WDR38: variants seen among roughly 807,000 people sequenced by gnomAD.
The protein encoded by WDR38 is WD repeat-containing protein 38.
In WDR38, 37 loss-of-function variants were observed where a neutral mutation model predicts 36.6. That is an observed-to-expected ratio of 1.01 (90% CI 0.78 to 1.33). WDR38 has a LOEUF of 1.33. Ranked by LOEUF, WDR38 falls within the 40% of genes most tolerant of loss-of-function variation. The probability of loss-of-function intolerance (pLI) is 0.00; values close to 1 mark genes in which losing one functional copy is unlikely to be tolerated. For missense variants in WDR38, 411 were observed against 414.6 expected, an observed-to-expected ratio of 0.99 and a Z score of 0.07; for synonymous variants, 164 against 168.1, an observed-to-expected ratio of 0.98 and a Z score of 0.19.
At chr9:124,854,127 G>A in intron 1 of WDR38, 78 bp from the exon 2 acceptor site, 2 of 1,590,784 alleles carry the variant, frequency 1.3e-6, no homozygotes, top group Non-Finnish European at 1.7e-6. Context: ...AGGCTCTTGG[G>A]GGGCAGTGTT....
chr9:124,854,475 C>T (rs1828994573), intron 2 of WDR38, 150 bp downstream of exon 2: 4 of 1,218,876 alleles, frequency 3.3e-6, no homozygotes, highest in Non-Finnish European at 4.6e-6. Context: ...GGTGCTGGGG[C>T]TTAGACTCTA....
At chr9:124,854,389 C>CT in intron 2 of WDR38, 64 bp downstream of exon 2, 1 of 1,601,502 alleles carries the variant, frequency 6.2e-7, no homozygotes, top group African/African-American at 1.3e-5. Flanking sequence ...GCAGAGCTGA[C>CT]TGCAGTGACC....
chr9:124,854,394 G>A (rs1828992495), intron 2 of WDR38, 69 bp downstream of exon 2: 1 of 1,600,220 alleles, frequency 6.2e-7, no homozygotes. Flanking sequence ...GCTGACTGCA[G>A]TGACCTCCGA....
At chr9:124,854,156 G>A (rs770259952) in intron 1 of WDR38, 49 bp from the exon 2 acceptor site, 40 of 1,610,866 alleles carry the variant, frequency 2.5e-5, no homozygotes, top group Admixed American at 6.7e-5. Context: ...AGAGATGAGC[G>A]GACAGGGGTT....
chr9:124,855,152 C>G (rs1008926066), intron 2 of WDR38, among the ~76,000 whole-genome samples: 3 of 152,324 alleles, frequency 2.0e-5, no homozygotes, highest in African/African-American at 7.2e-5. Flanking sequence ...GTGCTTACCA[C>G]TGTTTTGACT....
chr9:124,855,402 G>C (rs1829021059), intron 2 of WDR38, among the ~76,000 whole-genome samples: 1 of 152,196 alleles, frequency 6.6e-6, no homozygotes, highest in Non-Finnish European at 1.5e-5. Context: ...CAAGTTTCTG[G>C]GAGGTCCCTA....
chr9:124,856,161 A>G, intron 4 of WDR38, 79 bp from the exon 5 acceptor site: 2 of 1,595,026 alleles, frequency 1.3e-6, no homozygotes, highest in Non-Finnish European at 1.7e-6. Flanking sequence ...TTTTTGCACG[A>G]GGTCCCCCTT....
chr9:124,856,141 G>A, intron 4 of WDR38, 99 bp from the exon 5 acceptor site: 1 of 1,570,716 alleles, frequency 6.4e-7, no homozygotes. Context: ...GCACACAGCA[G>A]CCCTCAGGCT....
At chr9:124,856,409 C>T (rs978162502) in intron 5 of WDR38, 60 bp from the exon 6 acceptor site, 8 of 1,612,042 alleles carry the variant, frequency 5.0e-6, no homozygotes, top group South Asian at 3.3e-5. Flanking sequence ...CTCTGGGTCC[C>T]GCCTAGATGC....
intron 2 of WDR38, among the ~76,000 whole-genome samples, chr9:124,855,407 T>A (rs767540051): frequency 6.6e-6 from 1 of 151,686 alleles, no homozygotes; most frequent in Admixed American, 6.6e-5. Flanking sequence ...TTCTGGGAGG[T>A]CCCTACTTTG....
intron 7 of WDR38, among the ~76,000 whole-genome samples, 182 bp downstream of exon 7, chr9:124,857,063 TA>T (rs769201101): frequency 3.5e-4 from 53 of 152,214 alleles, no homozygotes; most frequent in Admixed American, 7.2e-4. Flanking sequence ...GGCCCATTGG[TA>T]GTTGCATTGA....
At chr9:124,857,008 G>C in intron 7 of WDR38, 127 bp downstream of exon 7, 1 of 1,383,456 alleles carries the variant, frequency 7.2e-7, no homozygotes, top group Admixed American at 1.9e-5. Flanking sequence ...GGCAGGACCT[G>C]GGTGCCAGCC....
chr9:124,857,759 G>T lies in WDR38; in HGVS notation c.*129G>T. ...AGATCCCCATGGCCAGGACTCTCCA[G>T]GCCCCACCAGAGCAGACAACTGTGG... On this transcript the variant is annotated 3_prime_UTR_variant, in exon 9 of 9. Transcript: ENST00000373574. The T allele has an allele frequency of 6.6e-7, 1 of 1,517,484 alleles. No individual in the cohort carries two copies. Among genetic ancestry groups the T allele is most frequent in the Non-Finnish European group, 8.9e-7 (1 of 1,124,408 alleles). The allele number at this position is 1,517,484 out of a possible 1,614,324, so 94.0% of individuals were successfully genotyped here. A position where few individuals can be genotyped will look rare whatever the true frequency, so the allele number is the denominator to read the frequency against.
At chr9:124,854,433 T>C in intron 2 of WDR38, 108 bp downstream of exon 2, 1 of 1,543,996 alleles carries the variant, frequency 6.5e-7, no homozygotes, top group Non-Finnish European at 8.8e-7. Context: ...AAGGCAGGGC[T>C]GGGCAGGTTG....
At position 124,857,412 on chromosome 9, in the gene WDR38, G is replaced by GT. The variant is rs1829109169; in HGVS notation, c.816+2dup. ...AGGAAAGTGCCTTGAGACCCTGAAG[G>GT]TAAGGCACGGCGCTGTGGCACTGAG... On this transcript the variant is annotated splice_donor_variant, in intron 8 of 8. Transcript: ENST00000373574. LOFTEE classifies it high-confidence loss of function. The GT allele has an allele frequency of 6.2e-7, 1 of 1,614,060 alleles. No homozygotes were observed. Among genetic ancestry groups the GT allele is most frequent in the African/African-American group, 1.3e-5 (1 of 74,922 alleles).
At chr9:124,857,289 G>A in intron 7 of WDR38, 75 bp from the exon 8 acceptor site, 2 of 1,591,886 alleles carry the variant, frequency 1.3e-6, no homozygotes, top group Non-Finnish European at 1.7e-6. Flanking sequence ...ATTTTGTCTG[G>A]GACTTTCCTG....
chr9:124,856,419 C>T (rs763924331), intron 5 of WDR38, 50 bp from the exon 6 acceptor site: 2 of 1,611,952 alleles, frequency 1.2e-6, no homozygotes, highest in South Asian at 2.2e-5. Flanking sequence ...CGCCTAGATG[C>T]AGAGTGGGTG....
intron 7 of WDR38, 131 bp downstream of exon 7, chr9:124,857,012 G>C: frequency 3.7e-6 from 5 of 1,346,762 alleles, no homozygotes. Context: ...GGACCTGGGT[G>C]CCAGCCTCTC....
At chr9:124,856,195 G>A in intron 4 of WDR38, 45 bp from the exon 5 acceptor site, 1 of 1,612,988 alleles carries the variant, frequency 6.2e-7, no homozygotes, top group Non-Finnish European at 8.5e-7. Context: ...AGGCCAGGTA[G>A]CCGGCTGCCC....
Sources: gnomAD v4.1 joint callset for allele counts (sites outside exome capture counted in the v4.1 genomes callset) on GRCh38, gnomAD v4.1.1 for gene constraint, MANE v1.5 for transcripts, NCBI Gene and HGNC (gene_info 2026-07-23, HGNC 2026-07-21) for gene names.